Variants in DOCK2 observed in about 807,000 individuals in gnomAD.
DOCK2 encodes dedicator of cytokinesis 2, also known as dedicator of cytokinesis protein 2.
In DOCK2, 87 loss-of-function variants were observed where a neutral mutation model predicts 248.9. The observed-to-expected ratio is 0.35, with a 90% CI of 0.29 to 0.42. DOCK2 has a LOEUF of 0.42. Ranked by LOEUF, DOCK2 falls within the 10% of genes least tolerant of loss-of-function variation. The probability of loss-of-function intolerance (pLI) is 1.00; values close to 1 mark genes in which losing one functional copy is unlikely to be tolerated. For synonymous variants in DOCK2, 805 were observed against 821.6 expected (o/e 0.98, Z 0.35); for missense variants, 1,747 against 2,300.2 (o/e 0.76, Z 4.92).
intron 1 of DOCK2, among the ~76,000 whole-genome samples, chr5:169,637,872 G>A (rs928613319): frequency 2.6e-5 from 4 of 152,200 alleles, no homozygotes; most frequent in Admixed American, 6.5e-5. Context: ...GGCAGCTCAA[G>A]CTTGGGGGAA....
At chr5:169,982,099 A>C (rs1272865561) in intron 27 of DOCK2, among the ~76,000 whole-genome samples, 2 of 150,124 alleles carry the variant, frequency 1.3e-5, no homozygotes, top group Non-Finnish European at 3.0e-5. Context: ...CAAACATAAT[A>C]CTTCCAGCCA....
chr5:169,857,541 A>T (rs930150110), intron 27 of DOCK2, among the ~76,000 whole-genome samples: 4 of 152,144 alleles, frequency 2.6e-5, no homozygotes, highest in African/African-American at 9.7e-5. Context: ...CAAAATTTGG[A>T]TGGGAATAAC....
At chr5:169,699,217 G>A (rs570637359) in intron 11 of DOCK2, among the ~76,000 whole-genome samples, 165 bp from the exon 12 acceptor site, 2 of 152,276 alleles carry the variant, frequency 1.3e-5, no homozygotes, top group African/African-American at 4.8e-5. Flanking sequence ...ATTGCTTTGT[G>A]ATAAAAAGTG....
chr5:169,970,504 C>A (rs1777464097), intron 27 of DOCK2, among the ~76,000 whole-genome samples: 1 of 152,168 alleles, frequency 6.6e-6, no homozygotes, highest in African/African-American at 2.4e-5. Context: ...AGAGTCAACT[C>A]AACACTGTGA....
intron 26 of DOCK2, among the ~76,000 whole-genome samples, chr5:169,828,033 G>A (rs1376039850): frequency 2.0e-5 from 3 of 152,146 alleles, no homozygotes; most frequent in Non-Finnish European, 4.4e-5. Context: ...ATGGAGAAGG[G>A]CACACATTGT....
chr5:169,997,315 G>A (rs918069367), intron 30 of DOCK2, among the ~76,000 whole-genome samples: 3 of 137,280 alleles, frequency 2.2e-5, no homozygotes, highest in Non-Finnish European at 3.1e-5. Flanking sequence ...GTTTTATACC[G>A]AGACATTCCA....
Position 169,763,847 on chromosome 5 carries a change from C to T in DOCK2, c.2554+2222C>T, listed in dbSNP as rs1007934218. Among the ~76,000 whole-genome samples the T allele has an allele frequency of 2.0e-5, 3 of 152,184 alleles. No homozygotes were observed. Among genetic ancestry groups the T allele is most frequent in the Non-Finnish European group, 4.4e-5 (3 of 68,026 alleles). On this transcript the variant is annotated intron_variant, in intron 25 of 51. Coordinates refer to ENST00000520908, the MANE Select transcript of DOCK2 (RefSeq NM_004946.3). This position sits in a 1 kb window ranked among gnomAD's most constrained non-coding sequence, Gnocchi z 4.1. Reference sequence around the variant, plus strand: ...AGGAGGCAAAGTGTAATTAGTGTAGCCACGCTCGGCTCACATGTGAAAGTC... The same window carrying T: ...AGGAGGCAAAGTGTAATTAGTGTAGTCACGCTCGGCTCACATGTGAAAGTC...
chr5:169,816,055 G>A (rs149504724), intron 26 of DOCK2, among the ~76,000 whole-genome samples: 81 of 152,278 alleles, frequency 5.3e-4, no homozygotes, highest in Non-Finnish European at 1.0e-3. Flanking sequence ...TTCGAAGTTG[G>A]GAGACATGAG....
intron 22 of DOCK2, among the ~76,000 whole-genome samples, chr5:169,740,184 T>G (rs1763239273): frequency 6.6e-6 from 1 of 152,242 alleles, no homozygotes. Flanking sequence ...CTGCATCTTA[T>G]TACCTACTTA....
chr5:169,926,683 C>T (rs553653711), intron 27 of DOCK2, among the ~76,000 whole-genome samples: 2 of 152,258 alleles, frequency 1.3e-5, no homozygotes, highest in South Asian at 4.1e-4. Flanking sequence ...TAGAGGGGGC[C>T]TCAAAGATTA....
At chr5:169,768,590 C>T (rs1764916916) in intron 25 of DOCK2, among the ~76,000 whole-genome samples, 1 of 152,152 alleles carries the variant, frequency 6.6e-6, no homozygotes, top group African/African-American at 2.4e-5. Flanking sequence ...GGGGATGAGG[C>T]TCTTGCTGCC....
In DOCK2 at chr5:169,803,164, A is replaced by G; in HGVS notation, c.2661A>G (p.Glu887=). The change falls in exon 26 of 52, where the codon GAA becomes GAG. Residue 887 remains glutamate, a synonymous_variant. Transcript: ENST00000520908. ...TCCTGGAGAGGAAGTACTGCGTTGAATTGCTCAACAGCATCTTGGAAGTCC... is the reference window on the plus strand; with the variant it reads ...TCCTGGAGAGGAAGTACTGCGTTGAGTTGCTCAACAGCATCTTGGAAGTCC... ...HQVLERKYCV[E]LLNSILEVLS... is the part of the protein sequence containing the mutation. 1 of 1,614,144 alleles carries G rather than the reference A, an allele frequency of 6.2e-7. No homozygotes were observed. Among genetic ancestry groups the G allele is most frequent in the Non-Finnish European group, 8.5e-7 (1 of 1,180,012 alleles).
At chr5:169,742,214 C>T (rs4867572) in intron 22 of DOCK2, among the ~76,000 whole-genome samples, 6,795 of 152,226 alleles carry the variant, frequency 0.045, 468 homozygotes, top group African/African-American at 0.15. Flanking sequence ...TTTCTTCTTA[C>T]AGTTCAGGAA....
intron 22 of DOCK2, among the ~76,000 whole-genome samples, chr5:169,732,808 C>T (rs1367597464): frequency 1.3e-5 from 2 of 152,188 alleles, no homozygotes; most frequent in African/African-American, 4.8e-5. Flanking sequence ...TGCCTTCCTA[C>T]AGTCTATTCT....
chr5:169,875,951 A>T (rs924975783), intron 27 of DOCK2: 1 of 152,222 alleles, frequency 6.6e-6, no homozygotes, highest in African/African-American at 2.4e-5. Flanking sequence ...CATAGATTTT[A>T]CTCTTACAGT....
intron 26 of DOCK2, among the ~76,000 whole-genome samples, chr5:169,812,092 T>A (rs1013878836): frequency 6.6e-6 from 1 of 152,272 alleles, no homozygotes; most frequent in Middle Eastern, 3.4e-3. Flanking sequence ...CAACCCTGGG[T>A]CCATGGCCTG....
chr5:169,895,554 A>G (rs750659603), intron 27 of DOCK2, among the ~76,000 whole-genome samples: 1 of 152,024 alleles, frequency 6.6e-6, no homozygotes, highest in Non-Finnish European at 1.5e-5. Context: ...GGGTAGGATC[A>G]CACTCCCTAA....
chr5:170,033,702 G>A (rs1756224528), intron 34 of DOCK2, among the ~76,000 whole-genome samples: 1 of 152,210 alleles, frequency 6.6e-6, no homozygotes, highest in African/African-American at 2.4e-5. Context: ...GTGACAGGAG[G>A]TTAAATGAGT....
chr5:170,066,775 C>T (rs1757506606), intron 44 of DOCK2, among the ~76,000 whole-genome samples: 1 of 152,194 alleles, frequency 6.6e-6, no homozygotes, highest in Non-Finnish European at 1.5e-5. Flanking sequence ...ATTGGAACAG[C>T]CATTCTCATT....
Sources: allele counts gnomAD v4.1 joint callset (sites outside exome capture counted in the v4.1 genomes callset), GRCh38; gene constraint gnomAD v4.1.1; non-coding constraint Gnocchi (gnomAD v3.1); transcripts MANE v1.5; gene names NCBI Gene and HGNC (gene_info 2026-07-23, HGNC 2026-07-21).